Variants in CYP39A1 observed in about 807,000 individuals in gnomAD.
CYP39A1 encodes the protein cytochrome P450 family 39 subfamily A member 1.
A neutral mutation model predicts 58.1 loss-of-function variants in CYP39A1; 49 were observed. The observed-to-expected ratio is 0.84, with a 90% CI of 0.67 to 1.07. The LOEUF is 1.07. CYP39A1 is among the 50% of genes least tolerant of loss of function. The probability of loss-of-function intolerance (pLI) is 0.00; values close to 1 mark genes in which losing one functional copy is unlikely to be tolerated. For synonymous variants in CYP39A1, 209 were observed against 187.6 expected, an observed-to-expected ratio of 1.11 and a Z score of -0.93; for missense variants, 531 against 539.4, an observed-to-expected ratio of 0.98 and a Z score of 0.16.
intron 7 of CYP39A1, among the ~76,000 whole-genome samples, chr6:46,623,926 T>C (rs995570647): frequency 1.3e-5 from 2 of 152,202 alleles, no homozygotes; most frequent in East Asian, 3.8e-4. Context: ...TAGTGTCTTA[T>C]AGACTGAAAG....
chr6:46,579,186 A>ATT (rs1351011687), intron 10 of CYP39A1, among the ~76,000 whole-genome samples: 2 of 152,080 alleles, frequency 1.3e-5, no homozygotes, highest in Non-Finnish European at 2.9e-5. Flanking sequence ...TTTACCTTGG[A>ATT]TACAAGATTG....
intron 10 of CYP39A1, among the ~76,000 whole-genome samples, chr6:46,566,953 C>G (rs186459902): frequency 2.4e-4 from 37 of 152,154 alleles, no homozygotes; most frequent in African/African-American, 8.9e-4. Context: ...ACATATCCGT[C>G]ACCTCATGTG....
At chr6:46,572,896 T>C (rs1349784101) in intron 10 of CYP39A1, among the ~76,000 whole-genome samples, 1 of 151,930 alleles carries the variant, frequency 6.6e-6, no homozygotes, top group African/African-American at 2.4e-5. Context: ...AGACCTATCT[T>C]CAATCTCAGA....
At chr6:46,633,143 C>A (rs1051506823) in intron 5 of CYP39A1, among the ~76,000 whole-genome samples, 25 of 152,106 alleles carry the variant, frequency 1.6e-4, no homozygotes, top group African/African-American at 5.3e-4. Flanking sequence ...GTAAGCACCC[C>A]AAAAATGTTA....
intron 7 of CYP39A1, among the ~76,000 whole-genome samples, chr6:46,603,814 G>A (rs961168087): frequency 1.3e-5 from 2 of 152,176 alleles, no homozygotes. Flanking sequence ...GAAAAAGTTT[G>A]CCCCTGCCTA....
chr6:46,551,502 C>T (rs2077443005), intron 11 of CYP39A1, among the ~76,000 whole-genome samples: 1 of 152,154 alleles, frequency 6.6e-6, no homozygotes, highest in African/African-American at 2.4e-5. Context: ...CTGCTAGCAT[C>T]AGGACACTGC....
At chr6:46,568,170 C>A (rs767553752) in intron 10 of CYP39A1, among the ~76,000 whole-genome samples, 1 of 151,940 alleles carries the variant, frequency 6.6e-6, no homozygotes, top group Non-Finnish European at 1.5e-5. Flanking sequence ...TGTTGAGCAT[C>A]TTTTCATGTG....
intron 7 of CYP39A1, among the ~76,000 whole-genome samples, chr6:46,623,973 T>G (rs887619348): frequency 1.0e-4 from 15 of 149,792 alleles, no homozygotes; most frequent in East Asian, 5.9e-4. Flanking sequence ...GGTAGTACTA[T>G]TCGAAGGAGC....
intron 7 of CYP39A1, among the ~76,000 whole-genome samples, chr6:46,604,277 T>C (rs1773699530): frequency 6.6e-6 from 1 of 152,218 alleles, no homozygotes; most frequent in South Asian, 2.1e-4. Context: ...CAATTCTCTT[T>C]TCCCATCTCC....
intron 10 of CYP39A1, among the ~76,000 whole-genome samples, chr6:46,562,100 G>A (rs1771009849): frequency 6.7e-6 from 1 of 148,476 alleles, no homozygotes; most frequent in South Asian, 2.1e-4. Flanking sequence ...TTGGCTCACT[G>A]CAACCTCCGC....
At chr6:46,649,231 CCTCT>C (rs1359068500) in intron 1 of CYP39A1, among the ~76,000 whole-genome samples, 1 of 152,188 alleles carries the variant, frequency 6.6e-6, no homozygotes, top group Admixed American at 6.5e-5. Context: ...CCAGGGCCTC[CCTCT>C]ATTTTTTGCC....
At chr6:46,580,155 CAT>C (rs1459365875) in intron 10 of CYP39A1, among the ~76,000 whole-genome samples, 1 of 152,060 alleles carries the variant, frequency 6.6e-6, no homozygotes, top group Non-Finnish European at 1.5e-5. Context: ...CAAAAACAGA[CAT>C]ATGGACCAAT....
intron 8 of CYP39A1, among the ~76,000 whole-genome samples, chr6:46,593,997 T>C (rs796166745): frequency 2.0e-5 from 3 of 152,236 alleles, no homozygotes; most frequent in African/African-American, 7.2e-5. Flanking sequence ...CTTCCAGCTA[T>C]GCAAAATAAC....
At chr6:46,639,381 G>T in intron 3 of CYP39A1, 113 bp downstream of exon 3, 1 of 1,008,010 alleles carries the variant, frequency 9.9e-7, no homozygotes, top group East Asian at 2.5e-5. Context: ...TAATAGCCTA[G>T]TTAGGTAGAT....
chr6:46,619,008 T>G (rs535772164), intron 7 of CYP39A1, among the ~76,000 whole-genome samples: 2 of 152,260 alleles, frequency 1.3e-5, no homozygotes, highest in South Asian at 4.1e-4. Flanking sequence ...CTCTACAGTT[T>G]AGAGCCCCTG....
At chr6:46,602,881 C>T (rs1431738880) in intron 7 of CYP39A1, among the ~76,000 whole-genome samples, 1 of 143,734 alleles carries the variant, frequency 7.0e-6, no homozygotes, top group Non-Finnish European at 1.5e-5. Flanking sequence ...AATCAGAAAT[C>T]CTGACTGGAT....
intron 7 of CYP39A1, among the ~76,000 whole-genome samples, chr6:46,610,120 A>T (rs1774124027): frequency 6.6e-6 from 1 of 152,202 alleles, no homozygotes; most frequent in Non-Finnish European, 1.5e-5. Context: ...TGTCTTGACA[A>T]TGTGAAACAA....
intron 7 of CYP39A1, among the ~76,000 whole-genome samples, chr6:46,601,624 G>T (rs900162422): frequency 2.0e-5 from 3 of 151,526 alleles, no homozygotes; most frequent in Non-Finnish European, 4.4e-5. Context: ...CGTGTAAAGC[G>T]CTTACCACTA....
chr6:46,602,924 G>GGC (rs1554161686), intron 7 of CYP39A1, among the ~76,000 whole-genome samples: 1 of 2,842 alleles, frequency 3.5e-4, no homozygotes, highest in East Asian at 0.083. Context: ...AATATAAAAT[G>GGC]GGGGGGGGGA....
Sources: allele counts gnomAD v4.1 joint callset (sites outside exome capture counted in the v4.1 genomes callset), GRCh38; gene constraint gnomAD v4.1.1; transcripts MANE v1.5; gene names NCBI Gene and HGNC (gene_info 2026-07-23, HGNC 2026-07-21).